Variants in AGBL4 observed in about 807,000 individuals in gnomAD.
AGBL4 encodes AGBL carboxypeptidase 4.
A neutral mutation model predicts 66.4 loss-of-function variants in AGBL4; 58 were observed. The observed-to-expected ratio is 0.87, with a 90% CI of 0.71 to 1.09. The LOEUF is 1.09. Among genes scored for constraint, AGBL4 ranks in the 50% least tolerant of loss-of-function variants. The pLI is 0.00. For synonymous variants in AGBL4, 234 were observed against 222.9 expected, an observed-to-expected ratio of 1.05 and a Z score of -0.44; for missense variants, 579 against 631.0, an observed-to-expected ratio of 0.92 and a Z score of 0.88.
chr1:49,535,793 G>A (rs1324813947), intron 3 of AGBL4, among the ~76,000 whole-genome samples: 3 of 152,104 alleles, frequency 2.0e-5, no homozygotes, highest in Admixed American at 6.5e-5. Flanking sequence ...CTGGGTTCAC[G>A]CCATTCTCCT....
chr1:48,899,721 T>A (rs1157355136), intron 5 of AGBL4, among the ~76,000 whole-genome samples: 2 of 152,236 alleles, frequency 1.3e-5, no homozygotes, highest in Non-Finnish European at 2.9e-5. Flanking sequence ...AAAATTCAAC[T>A]TTATTCTTTC....
intron 5 of AGBL4, among the ~76,000 whole-genome samples, chr1:49,005,335 T>C (rs1274467633): frequency 1.3e-5 from 2 of 152,138 alleles, no homozygotes; most frequent in African/African-American, 4.8e-5. Context: ...ATTCCAGAAA[T>C]AAACAATTCA....
At chr1:48,615,072 A>G (rs1276280831) in intron 9 of AGBL4, among the ~76,000 whole-genome samples, 1 of 152,128 alleles carries the variant, frequency 6.6e-6, no homozygotes, top group African/African-American at 2.4e-5. Flanking sequence ...TAAAAGTCCA[A>G]TCAGAGGGGA....
At position 48,771,149 on chromosome 1, in the gene AGBL4, G is replaced by A. The variant is rs139236426; in HGVS notation, c.634+96042C>T. On this transcript the variant is annotated intron_variant, in intron 6 of 13. Transcript: ENST00000371839. ...CCTGGAGTATAAGACTGACCACCTA[G>A]TATAACTCAATACTTGTGGAACTTA... Among the ~76,000 whole-genome samples, 127 of 152,292 alleles carry A rather than the reference G, an allele frequency of 8.3e-4. 5 individuals carry two copies. In the East Asian group the frequency reaches 0.021, roughly 26 times the overall value.
chr1:50,018,037 G>A lies in AGBL4; in HGVS notation c.34+5726C>T, dbSNP rs143722254. ...GAAAGACAAGCAAACTGTAATTATTGGCAGGTTGTTTTTGATGTCCCTTCC... is the reference window on the plus strand; with the variant it reads ...GAAAGACAAGCAAACTGTAATTATTAGCAGGTTGTTTTTGATGTCCCTTCC... On this transcript the variant is annotated intron_variant, in intron 1 of 13. Coordinates refer to ENST00000371839, the MANE Select transcript of AGBL4 (RefSeq NM_032785.4). Among the ~76,000 whole-genome samples, 13 of 152,166 alleles carry A rather than the reference G, an allele frequency of 8.5e-5. No individual in the cohort carries two copies. In the East Asian group the frequency reaches 2.5e-3, roughly 29 times the overall value.
chr1:49,331,159 A>G (rs1438901363), intron 3 of AGBL4, among the ~76,000 whole-genome samples: 1 of 151,866 alleles, frequency 6.6e-6, no homozygotes, highest in African/African-American at 2.4e-5. Flanking sequence ...GCATGCACAG[A>G]GACCCAGGAG....
chr1:49,716,875 G>T (rs1014049975), intron 2 of AGBL4, among the ~76,000 whole-genome samples: 1 of 152,074 alleles, frequency 6.6e-6, no homozygotes, highest in African/African-American at 2.4e-5. Context: ...CACAAGACAA[G>T]GATGCCCTCT....
intron 1 of AGBL4, among the ~76,000 whole-genome samples, chr1:49,884,194 T>C (rs926101995): frequency 1.5e-4 from 23 of 151,950 alleles, no homozygotes; most frequent in African/African-American, 5.3e-4. Flanking sequence ...GTCACATAGA[T>C]TTAAGATTGA....
At chr1:49,968,540 T>C (rs186466186) in intron 1 of AGBL4, among the ~76,000 whole-genome samples, 3 of 152,302 alleles carry the variant, frequency 2.0e-5, no homozygotes, top group Admixed American at 2.0e-4. Context: ...CATTATCCAT[T>C]TTTACCTTCT....
chr1:50,023,926 G>A lies in AGBL4; in HGVS notation c.-130C>T, dbSNP rs1162425123. 40 of 1,085,608 alleles carry A rather than the reference G, an allele frequency of 3.7e-5. No individual in the cohort carries two copies. The East Asian group carries it at 1.3e-3, about 35-fold the overall frequency. 67.2% of individuals were successfully genotyped at this position (1,085,608 alleles called of 1,614,324 possible). On this transcript the variant is annotated 5_prime_UTR_variant, in exon 1 of 14. Transcript: ENST00000371839. ...ACGACGGTTGCCTGGGCAACGGGCG[G>A]CAGGCGCGCGGGTGGCCGGCGCGCG...
chr1:49,519,630 A>T (rs1181742751), intron 3 of AGBL4, among the ~76,000 whole-genome samples: 1 of 152,040 alleles, frequency 6.6e-6, no homozygotes, highest in Non-Finnish European at 1.5e-5. Flanking sequence ...ATACCTTAGG[A>T]TTCACTTTTG....
chr1:49,926,550 C>A (rs1441414104), intron 1 of AGBL4, among the ~76,000 whole-genome samples: 1 of 152,136 alleles, frequency 6.6e-6, no homozygotes, highest in Non-Finnish European at 1.5e-5. Context: ...TGAAAGTGAA[C>A]TACATAAGGC....
At position 48,745,302 on chromosome 1, in the gene AGBL4, C is replaced by T. The variant is rs1446487517; in HGVS notation, c.635-82061G>A. ...GGAAGCTGTTCTGAATGTCTGTAAT[C>T]TTTCTTGGAGTCCGAGAAGTAGAAA... On this transcript the variant is annotated intron_variant, in intron 6 of 13. Transcript: ENST00000371839. Among the ~76,000 whole-genome samples the T allele has an allele frequency of 5.9e-5, 9 of 152,274 alleles. No individual in the cohort carries two copies. The East Asian group carries it at 1.4e-3, about 23-fold the overall frequency.
intron 4 of AGBL4, among the ~76,000 whole-genome samples, chr1:49,088,314 G>C (rs1644943276): frequency 6.6e-6 from 1 of 152,022 alleles, no homozygotes; most frequent in African/African-American, 2.4e-5. Flanking sequence ...ATGCCCAACC[G>C]TATGCTGTCT....
chr1:49,426,118 A>ATG (rs1645653054), intron 3 of AGBL4, among the ~76,000 whole-genome samples: 1 of 152,218 alleles, frequency 6.6e-6, no homozygotes, highest in South Asian at 2.1e-4. Context: ...TCAAGTCCTT[A>ATG]CCTTTCATAA....
At chr1:49,625,075 A>C (rs959739305) in intron 3 of AGBL4, among the ~76,000 whole-genome samples, 28 of 152,240 alleles carry the variant, frequency 1.8e-4, no homozygotes, top group African/African-American at 6.7e-4. Context: ...TCAGTCCCTT[A>C]CAGCCAGTTT....
chr1:48,544,792 T>C (rs1383513346), intron 11 of AGBL4, among the ~76,000 whole-genome samples: 2 of 152,148 alleles, frequency 1.3e-5, no homozygotes, highest in Non-Finnish European at 2.9e-5. Flanking sequence ...CCCCCAGCAC[T>C]GTACTGTTCC....
chr1:48,906,552 AGCT>A (rs1652610965), intron 5 of AGBL4, among the ~76,000 whole-genome samples: 2 of 152,120 alleles, frequency 1.3e-5, no homozygotes, highest in Admixed American at 6.6e-5. Context: ...TAGACTTTGG[AGCT>A]GAGATGGGCC....
At chr1:49,922,464 G>T (rs984359399) in intron 1 of AGBL4, among the ~76,000 whole-genome samples, 1 of 152,118 alleles carries the variant, frequency 6.6e-6, no homozygotes, top group African/African-American at 2.4e-5. Flanking sequence ...GGGCAATCGG[G>T]AGAGAGAAAG....
Sources: allele counts gnomAD v4.1 joint callset (sites outside exome capture counted in the v4.1 genomes callset), GRCh38; gene constraint gnomAD v4.1.1; transcripts MANE v1.5; gene names NCBI Gene and HGNC (gene_info 2026-07-23, HGNC 2026-07-21).